PTPRT: variants seen among roughly 807,000 people sequenced by gnomAD.
The protein encoded by PTPRT is receptor-type tyrosine-protein phosphatase T.
A neutral mutation model predicts 176.8 loss-of-function variants in PTPRT; 56 were observed. That is an observed-to-expected ratio of 0.32 (90% CI 0.26 to 0.40). The LOEUF (loss-of-function observed/expected upper bound fraction) is 0.40, where lower values mean the gene tolerates loss of function less well. PTPRT is among the 10% of genes least tolerant of loss of function. PTPRT has a pLI of 1.00. For synonymous variants in PTPRT, 783 were observed against 739.0 expected, an observed-to-expected ratio of 1.06 and a Z score of -0.96; for missense variants, 1,540 against 1,908.2, an observed-to-expected ratio of 0.81 and a Z score of 3.60.
rs939312524 is a variant in PTPRT, at chr20:42,624,024, C to CA, written c.1153+53841dup. 3.8e-3 allele frequency among the ~76,000 whole-genome samples: 378 copies of CA among 99,602 alleles called. 3 individuals carry two copies. Among genetic ancestry groups the CA allele is most frequent in the African/African-American group, 8.3e-3 (158 of 18,954 alleles). 65.3% of individuals were successfully genotyped at this position (99,602 alleles called of 152,430 possible). On this transcript the variant is annotated intron_variant, in intron 7 of 30. Coordinates refer to ENST00000373187, the MANE Select transcript of PTPRT (RefSeq NM_007050.6). ...CAATAGCAACAAACAAACAAACAAA[C>CA]AAAAAAAAAAAACCCTGCTGAACTC... is the stretch of plus-strand genomic sequence containing the variant.
At chr20:42,299,982 G>A (rs770725401) in intron 12 of PTPRT, among the ~76,000 whole-genome samples, 1 of 151,758 alleles carries the variant, frequency 6.6e-6, no homozygotes, top group Non-Finnish European at 1.5e-5. Flanking sequence ...TAAAGGCTGG[G>A]TGTGGCGGCT....
At chr20:42,085,400 A>G (rs925901894) in intron 28 of PTPRT, among the ~76,000 whole-genome samples, 8 of 152,208 alleles carry the variant, frequency 5.3e-5, no homozygotes, top group African/African-American at 1.4e-4. Flanking sequence ...CCCAAAGCTT[A>G]TGGGATCCAA....
intron 1 of PTPRT, among the ~76,000 whole-genome samples, chr20:42,970,293 C>A (rs770785629): frequency 6.6e-6 from 1 of 152,170 alleles, no homozygotes; most frequent in African/African-American, 2.4e-5. Context: ...TCAAACACAA[C>A]AATAACATCA....
chr20:42,113,758 C>T (rs1987134809), intron 22 of PTPRT, among the ~76,000 whole-genome samples: 1 of 152,190 alleles, frequency 6.6e-6, no homozygotes, highest in Non-Finnish European at 1.5e-5. Context: ...CCTCATGTTT[C>T]TGAATCCTTG....
intron 7 of PTPRT, among the ~76,000 whole-genome samples, chr20:42,522,611 C>T (rs1312610703): frequency 1.3e-5 from 2 of 151,978 alleles, no homozygotes; most frequent in Admixed American, 6.6e-5. Flanking sequence ...TAGGTGTGTG[C>T]CACCACACCC....
chr20:42,841,953 T>A (rs1210684380), intron 2 of PTPRT, among the ~76,000 whole-genome samples: 1 of 152,214 alleles, frequency 6.6e-6, no homozygotes, highest in Non-Finnish European at 1.5e-5. Context: ...AGCTTTGCCC[T>A]GCTCCCCACT....
At chr20:43,020,957 G>A (rs1985646632) in intron 1 of PTPRT, among the ~76,000 whole-genome samples, 2 of 152,002 alleles carry the variant, frequency 1.3e-5, no homozygotes, top group Non-Finnish European at 2.9e-5. Context: ...TAAAGCTCAC[G>A]TCCATTTCAA....
chr20:42,847,259 G>C (rs1426171603), intron 2 of PTPRT, among the ~76,000 whole-genome samples: 3 of 152,192 alleles, frequency 2.0e-5, no homozygotes, highest in Non-Finnish European at 4.4e-5. Context: ...GGAGAGAACA[G>C]GGGCGAGAAG....
intron 8 of PTPRT, among the ~76,000 whole-genome samples, chr20:42,456,282 ATTTG>A (rs2070922956): frequency 1.3e-5 from 2 of 152,136 alleles, no homozygotes; most frequent in Middle Eastern, 3.4e-3. Flanking sequence ...AATTCTAATA[ATTTG>A]TTTGCAGATT....
At chr20:42,032,934 A>G in the PTPRT span, among the ~76,000 whole-genome samples, 2 of 152,230 alleles carry the variant, frequency 1.3e-5, no homozygotes, top group African/African-American at 4.8e-5. Flanking sequence ...TAGAGCCTTT[A>G]GCTCCAGTTG....
At chr20:42,139,058 A>G (rs1411492330) in intron 18 of PTPRT, among the ~76,000 whole-genome samples, 1 of 152,200 alleles carries the variant, frequency 6.6e-6, no homozygotes, top group Non-Finnish European at 1.5e-5. Flanking sequence ...GGGCAGGAAC[A>G]CTTTCCATTC....
chr20:42,873,705 G>C (rs2078883056), intron 2 of PTPRT, among the ~76,000 whole-genome samples: 3 of 152,066 alleles, frequency 2.0e-5, no homozygotes, highest in African/African-American at 7.2e-5. Context: ...TTTGAAATCT[G>C]GTGTGTAGTT....
intron 11 of PTPRT, among the ~76,000 whole-genome samples, chr20:42,346,454 A>G (rs2058196567): frequency 6.6e-6 from 1 of 152,196 alleles, no homozygotes; most frequent in South Asian, 2.1e-4. Context: ...TATTTGATTG[A>G]TCTTTTAAGC....
chr20:42,475,269 G>A (rs1445562057), intron 7 of PTPRT, among the ~76,000 whole-genome samples: 1 of 152,144 alleles, frequency 6.6e-6, no homozygotes, highest in African/African-American at 2.4e-5. Context: ...AAGGCCAGCA[G>A]GTGACAAAGT....
intron 2 of PTPRT, among the ~76,000 whole-genome samples, chr20:42,883,671 A>ACACCCCC (rs2079040766): frequency 1.3e-5 from 2 of 149,742 alleles, no homozygotes; most frequent in African/African-American, 2.5e-5. Flanking sequence ...ACACCCATAC[A>ACACCCCC]AACACACGGA....
chr20:43,124,399 A>C (rs2013369719), intron 1 of PTPRT, among the ~76,000 whole-genome samples: 1 of 152,164 alleles, frequency 6.6e-6, no homozygotes. Context: ...CACACATAAC[A>C]ATCTGGCAAC....
chr20:43,058,242 C>G (rs1259559309), intron 1 of PTPRT, among the ~76,000 whole-genome samples: 1 of 151,466 alleles, frequency 6.6e-6, no homozygotes, highest in Non-Finnish European at 1.5e-5. Flanking sequence ...AGAGCAGACA[C>G]AGAGAGAGAA....
chr20:42,658,436 G>A (rs771711159), intron 7 of PTPRT, among the ~76,000 whole-genome samples: 5 of 152,146 alleles, frequency 3.3e-5, no homozygotes, highest in Admixed American at 6.5e-5. Flanking sequence ...GCCACTTAAA[G>A]CAGCAAAATC....
intron 2 of PTPRT, among the ~76,000 whole-genome samples, chr20:42,860,970 G>T (rs6072886): frequency 1.3e-5 from 2 of 152,160 alleles, no homozygotes; most frequent in Admixed American, 6.5e-5. Context: ...TAGCTTTCTA[G>T]GTCTTTTAAG....
Sources: gnomAD v4.1 joint callset for allele counts (sites outside exome capture counted in the v4.1 genomes callset) on GRCh38, gnomAD v4.1.1 for gene constraint, MANE v1.5 for transcripts, NCBI Gene and HGNC (gene_info 2026-07-23, HGNC 2026-07-21) for gene names.